The following MAVS variants were observed in gnomAD, a reference collection of about 807,000 sequenced individuals.
The protein encoded by MAVS is mitochondrial antiviral-signaling protein.
In MAVS, 20 loss-of-function variants were observed where a neutral mutation model predicts 30.2. That is an observed-to-expected ratio of 0.66 (90% CI 0.47 to 0.96). The LOEUF is 0.96. Among genes scored for constraint, MAVS ranks in the 40% least tolerant of loss-of-function variants. The probability of loss-of-function intolerance (pLI) is 0.00; values close to 1 mark genes in which losing one functional copy is unlikely to be tolerated. For synonymous variants in MAVS, 278 were observed against 293.9 expected (o/e 0.95, Z 0.55); for missense variants, 624 against 701.1 (o/e 0.89, Z 1.24).
Position 3,866,851 on chromosome 20 carries a change from A to C in MAVS, c.*704A>C. ...CTCCCCTCTGGTCTCCATTCTCTTC[A>C]GCTCCCTACATGGGCTGGGGAGGAG... is the stretch of plus-strand genomic sequence containing the variant. On this transcript the variant is annotated 3_prime_UTR_variant, in exon 7 of 7. Transcript: ENST00000428216. 2.2e-6 allele frequency: 1 copy of C among 457,302 alleles called. No individual in the cohort carries two copies. The highest frequency in any genetic ancestry group is 4.4e-6 in the Non-Finnish European group (1 of 226,814). The allele number at this position is 457,302 out of a possible 1,614,324, so 28.3% of individuals were successfully genotyped here. A position where few individuals can be genotyped will look rare whatever the true frequency, so the allele number is the denominator to read the frequency against.
At chr20:3,863,169 T>G (rs1036195691) in intron 5 of MAVS, among the ~76,000 whole-genome samples, 17 of 152,164 alleles carry the variant, frequency 1.1e-4, no homozygotes, top group African/African-American at 3.6e-4. Flanking sequence ...CAGTGAATCA[T>G]GAAAACTTCT....
At chr20:3,848,684 C>T (rs1220219988) in intron 1 of MAVS, among the ~76,000 whole-genome samples, 1 of 152,140 alleles carries the variant, frequency 6.6e-6, no homozygotes, top group Non-Finnish European at 1.5e-5. Flanking sequence ...CTGCCTGATG[C>T]CCACTTGGTC....
intron 5 of MAVS, 78 bp downstream of exon 5, chr20:3,862,491 T>G: frequency 2.8e-6 from 4 of 1,443,560 alleles, no homozygotes; most frequent in Non-Finnish European, 3.7e-6. Context: ...CCCATCTGGC[T>G]TCCTTGAACA....
Position 3,866,372 on chromosome 20 carries a change from G to C in MAVS, c.*225G>C, listed in dbSNP as rs1456296519. On this transcript the variant is annotated 3_prime_UTR_variant, in exon 7 of 7. Coordinates refer to ENST00000428216, the MANE Select transcript of MAVS (RefSeq NM_020746.5). ...TGTGGGTCCCCGTCCTTGGCTTTCT[G>C]GGTCCTGGGCTGCCCCCAGTGCTCC... is the stretch of plus-strand genomic sequence containing the variant. 4 of 562,744 alleles carry C rather than the reference G, an allele frequency of 7.1e-6. No individual in the cohort carries two copies. In the East Asian group the frequency reaches 1.2e-4, roughly 16 times the overall value. The allele number at this position is 562,744 out of a possible 1,614,324, so 34.9% of individuals were successfully genotyped here.
chr20:3,864,124 C>T, intron 5 of MAVS, 132 bp from the exon 6 acceptor site: 1 of 1,022,504 alleles, frequency 9.8e-7, no homozygotes, highest in Non-Finnish European at 1.4e-6. Context: ...TGTGGCATCT[C>T]CTCCAAGGGC....
At position 3,852,987 on chromosome 20, in the gene MAVS, C is replaced by A. The variant is rs554577340; in HGVS notation, c.-67-1571C>A. 1.1e-3 allele frequency among the ~76,000 whole-genome samples: 168 copies of A among 150,982 alleles called. 2 individuals carry two copies. The highest frequency in any genetic ancestry group is 3.9e-3 in the African/African-American group (163 of 41,324). ...CTGAATAGCTGGGACTGCAGGCGCC[C>A]GCCACCATGCTTGGCTAATTTTTTT... On this transcript the variant is annotated intron_variant, in intron 1 of 6. Transcript: ENST00000428216.
intron 1 of MAVS, among the ~76,000 whole-genome samples, chr20:3,853,204 C>A (rs991020743): frequency 2.1e-5 from 3 of 142,238 alleles, no homozygotes; most frequent in South Asian, 2.5e-4. Flanking sequence ...TTAAAGATGG[C>A]GGCCGGGCGC....
In MAVS at chr20:3,870,795, C is replaced by G. The variant is rs2089949072; in HGVS notation, c.*4648C>G. On this transcript the variant is annotated 3_prime_UTR_variant, in exon 7 of 7. Transcript: ENST00000428216. ...TAGAGAGAGTAGAATAACAAATCCCCATGAGCCCATCACCCAACTTCAGTA... is the reference window on the plus strand; with the variant it reads ...TAGAGAGAGTAGAATAACAAATCCCGATGAGCCCATCACCCAACTTCAGTA... The G allele has an allele frequency of 6.6e-6, 1 of 151,978 alleles. No individual in the cohort carries two copies. The highest frequency in any genetic ancestry group is 1.5e-5 in the Non-Finnish European group (1 of 68,026). 9.4% of individuals were successfully genotyped at this position (151,978 alleles called of 1,614,324 possible).
At position 3,867,715 on chromosome 20, in the gene MAVS, G is replaced by A. The variant is rs2089919879; in HGVS notation, c.*1568G>A. ...CCCCTTACTTTATCTTGTGCCTTGA[G>A]AAATTGCTGGGGAGAGAGGTATGTC... On this transcript the variant is annotated 3_prime_UTR_variant, in exon 7 of 7. Coordinates refer to ENST00000428216, the MANE Select transcript of MAVS (RefSeq NM_020746.5). The A allele has an allele frequency of 6.5e-6, 1 of 153,102 alleles. No individual in the cohort carries two copies. Among genetic ancestry groups the A allele is most frequent in the Admixed American group, 6.5e-5 (1 of 15,338 alleles). The allele number at this position is 153,102 out of a possible 1,614,324, so 9.5% of individuals were successfully genotyped here.
rs750613305 is a variant in MAVS, at chr20:3,862,376, G to GGA, written c.590_591dup (p.Gln198SerfsTer106). ...GCCCTCTGACCTCCAGCGGGCATCA[G>GGA]GAGCAGGACACAGAACTGGGCAGTA... On this transcript the variant is annotated frameshift_variant, in exon 5 of 7. Coordinates refer to ENST00000428216, the MANE Select transcript of MAVS (RefSeq NM_020746.5). LOFTEE classifies it high-confidence loss of function. The GGA allele has an allele frequency of 3.3e-5, 53 of 1,613,990 alleles. No individual in the cohort carries two copies. The highest frequency in any genetic ancestry group is 4.4e-5 in the Non-Finnish European group (52 of 1,180,028).
At chr20:3,864,856 T>A in intron 6 of MAVS, 68 bp downstream of exon 6, 2 of 1,557,836 alleles carry the variant, frequency 1.3e-6, no homozygotes, top group Non-Finnish European at 1.7e-6. Flanking sequence ...CACCTGGCCC[T>A]GGCCTTGGCC....
rs545613715 is a variant in MAVS at position 3,866,553 on chromosome 20, C to G, written c.*406C>G. On this transcript the variant is annotated 3_prime_UTR_variant, in exon 7 of 7. Transcript: ENST00000428216. ...CTCCTGTTGCATTGGTCCCTGAAGG[C>G]CTCAGGGCAGGTATGTGGTGTGTGG... 2.9e-6 allele frequency: 1 copy of G among 340,590 alleles called. No individual in the cohort carries two copies. The highest frequency in any genetic ancestry group is 2.1e-5 in the African/African-American group (1 of 47,098). 21.1% of individuals were successfully genotyped at this position (340,590 alleles called of 1,614,324 possible).
In MAVS at chr20:3,864,585, G is replaced by A. The variant is rs2089891628; in HGVS notation, c.955G>A (p.Val319Ile). ...ALKVPANPAS[V>I]STVPSKLPTS... ...GAAAGTGCCTGCCAACCCAGCATCT[G>A]TCAGCACAGTGCCCTCCAAGTTGCC... Residue 319 changes from valine (V) to isoleucine (I), a missense_variant, in exon 6 of 7, where the codon GTC becomes ATC. Transcript: ENST00000428216. The A allele has an allele frequency of 1.2e-6, 2 of 1,614,176 alleles. No homozygotes were observed. Among genetic ancestry groups the A allele is most frequent in the Non-Finnish European group, 1.7e-6 (2 of 1,180,044 alleles).
intron 3 of MAVS, among the ~76,000 whole-genome samples, chr20:3,860,018 C>G (rs563048683): frequency 4.4e-4 from 67 of 152,056 alleles, no homozygotes; most frequent in African/African-American, 1.5e-3. Context: ...GGGGTTTCAC[C>G]GTGTTAGCCA....
Position 3,869,224 on chromosome 20 carries a change from G to C in MAVS, c.*3077G>C, listed in dbSNP as rs1389531572. The C allele has an allele frequency of 6.6e-6, 1 of 151,134 alleles. No homozygotes were observed. The highest frequency in any genetic ancestry group is 1.5e-5 in the Non-Finnish European group (1 of 67,912). The allele number at this position is 151,134 out of a possible 1,614,324, so 9.4% of individuals were successfully genotyped here. A position where few individuals can be genotyped will look rare whatever the true frequency, so the allele number is the denominator to read the frequency against. On this transcript the variant is annotated 3_prime_UTR_variant, in exon 7 of 7. Transcript: ENST00000428216. The stretch of plus-strand genomic sequence containing the variant: ...GTCTTGCTCTGTCACCCAGGCTGGA[G>C]TGCAGTGGCGCGATCTCAGCTCACT...
chr20:3,851,186 G>C (rs1292165810), intron 1 of MAVS, among the ~76,000 whole-genome samples: 5 of 151,994 alleles, frequency 3.3e-5, no homozygotes, highest in Non-Finnish European at 7.4e-5. Context: ...AAATTATCCA[G>C]GCATGGTGGC....
chr20:3,859,082 G>A (rs1405135971), intron 3 of MAVS, among the ~76,000 whole-genome samples: 2 of 151,984 alleles, frequency 1.3e-5, no homozygotes, highest in Non-Finnish European at 2.9e-5. Context: ...GAGCCACCGC[G>A]TCTGGCTCTC....
Position 3,874,404 on chromosome 20 carries a change from A to G in MAVS, c.*8257A>G, listed in dbSNP as rs2089976287. The G allele has an allele frequency of 2.5e-6, 1 of 395,304 alleles. No individual in the cohort carries two copies. The highest frequency in any genetic ancestry group is 4.5e-6 in the Non-Finnish European group (1 of 224,350). The allele number at this position is 395,304 out of a possible 1,614,324, so 24.5% of individuals were successfully genotyped here. On this transcript the variant is annotated 3_prime_UTR_variant, in exon 7 of 7. Transcript: ENST00000428216. ...AAATAAAAACCACCTAAACAAGAGC[A>G]GAGAGGCCATTTGGTCAAAGTTTGC...
intron 2 of MAVS, among the ~76,000 whole-genome samples, chr20:3,855,114 C>A (rs2089798968): frequency 1.3e-5 from 2 of 152,014 alleles, no homozygotes; most frequent in South Asian, 4.1e-4. Context: ...TGGTCTTGAT[C>A]TCTTGACCTT....
Sources: allele counts gnomAD v4.1 joint callset (sites outside exome capture counted in the v4.1 genomes callset), GRCh38; gene constraint gnomAD v4.1.1; transcripts MANE v1.5; gene names NCBI Gene and HGNC (gene_info 2026-07-23, HGNC 2026-07-21).